Variants in CLVS2 observed in about 807,000 individuals in gnomAD.
CLVS2 encodes the protein clavesin-2.
In CLVS2, 19 loss-of-function variants were observed where a neutral mutation model predicts 29.0. The observed-to-expected ratio is 0.66, with a 90% CI of 0.46 to 0.96. The LOEUF is 0.96. CLVS2 is among the 40% of genes least tolerant of loss of function. The pLI is 0.00. For synonymous variants in CLVS2, 161 were observed against 151.3 expected (o/e 1.06, Z -0.47); for missense variants, 294 against 404.1 (o/e 0.73, Z 2.34).
intron 3 of CLVS2, among the ~76,000 whole-genome samples, chr6:123,015,533 T>C (rs1774819429): frequency 1.3e-5 from 2 of 152,076 alleles, no homozygotes; most frequent in African/African-American, 4.8e-5. Context: ...GCCAATGTCT[T>C]TCATGAATCT....
chr6:122,998,235 G>T, intron 2 of CLVS2, 69 bp downstream of exon 2: 1 of 1,488,404 alleles, frequency 6.7e-7, no homozygotes, highest in Middle Eastern at 1.8e-4. Flanking sequence ...CCCGAGTAGT[G>T]TCATGGTTTT....
intron 3 of CLVS2, among the ~76,000 whole-genome samples, chr6:123,034,532 A>G (rs184756202): frequency 4.7e-4 from 71 of 152,298 alleles, no homozygotes; most frequent in African/African-American, 1.7e-3. Flanking sequence ...ACAGAGCCAG[A>G]GGAGAGATTA....
At chr6:123,007,360 A>C (rs541489195) in intron 2 of CLVS2, among the ~76,000 whole-genome samples, 1 of 152,324 alleles carries the variant, frequency 6.6e-6, no homozygotes, top group East Asian at 1.9e-4. Flanking sequence ...TATGAGACTA[A>C]GCTGCGATTA....
In CLVS2 at chr6:123,071,463, A is replaced by G. The variant is rs561114605; in HGVS notation, c.*7702A>G. 1 of 152,078 alleles carries G rather than the reference A, an allele frequency of 6.6e-6. No individual in the cohort carries two copies. Among genetic ancestry groups the G allele is most frequent in the African/African-American group, 2.4e-5 (1 of 41,542 alleles). The allele number at this position is 152,078 out of a possible 1,614,324, so 9.4% of individuals were successfully genotyped here. A position where few individuals can be genotyped will look rare whatever the true frequency, so the allele number is the denominator to read the frequency against. ...ATCACTGGACCCTATATCTATCCACATGGCTTACTCTTGGAGAGACTACAA... is the reference window on the plus strand; with the variant it reads ...ATCACTGGACCCTATATCTATCCACGTGGCTTACTCTTGGAGAGACTACAA... On this transcript the variant is annotated 3_prime_UTR_variant, in exon 6 of 6. Transcript: ENST00000275162.
intron 4 of CLVS2, among the ~76,000 whole-genome samples, chr6:123,050,120 G>A (rs1772582624): frequency 6.6e-6 from 1 of 152,244 alleles, no homozygotes; most frequent in Non-Finnish European, 1.5e-5. Context: ...TAGTTTAGGA[G>A]GAAGAATTCT....
At chr6:123,020,174 A>G (rs927088000) in intron 3 of CLVS2, among the ~76,000 whole-genome samples, 1 of 152,058 alleles carries the variant, frequency 6.6e-6, no homozygotes, top group African/African-American at 2.4e-5. Context: ...ATAGCTACAT[A>G]GGTTGAATAT....
At position 123,066,232 on chromosome 6, in the gene CLVS2, C is replaced by T. The variant is rs1189333583; in HGVS notation, c.*2471C>T. The T allele has an allele frequency of 6.6e-6, 1 of 151,664 alleles. No homozygotes were observed. Among genetic ancestry groups the T allele is most frequent in the African/African-American group, 2.4e-5 (1 of 41,400 alleles). 9.4% of individuals were successfully genotyped at this position (151,664 alleles called of 1,614,324 possible). A position where few individuals can be genotyped will look rare whatever the true frequency, so the allele number is the denominator to read the frequency against. ...AGCACTGTTTAGGAATTTTTCCCTT[C>T]ATGATATTCTGTGTCACATCCTATG... On this transcript the variant is annotated 3_prime_UTR_variant, in exon 6 of 6. Transcript: ENST00000275162.
chr6:123,019,398 A>G (rs1774890337), intron 3 of CLVS2, among the ~76,000 whole-genome samples: 4 of 152,194 alleles, frequency 2.6e-5, no homozygotes, highest in Non-Finnish European at 2.9e-5. Context: ...TTTAATTCCT[A>G]CATTCAAGTA....
chr6:123,017,296 C>T (rs975658000), intron 3 of CLVS2, among the ~76,000 whole-genome samples: 4 of 151,982 alleles, frequency 2.6e-5, no homozygotes, highest in Admixed American at 6.6e-5. Flanking sequence ...CTCTTGTTTA[C>T]GAGCTACATT....
Position 123,048,737 on chromosome 6 carries a change from T to C in CLVS2, c.675+5T>C. ...AAGGAGAAAACTCGGAAAAGGGTATTCTTTTCTTTGATTTTTAATCCTTTC... is the reference window on the plus strand; with the variant it reads ...AAGGAGAAAACTCGGAAAAGGGTATCCTTTTCTTTGATTTTTAATCCTTTC... On this transcript the variant is annotated splice_donor_5th_base_variant and intron_variant, in intron 4 of 5. Transcript: ENST00000275162. The C allele has an allele frequency of 6.3e-7, 1 of 1,575,138 alleles. No individual in the cohort carries two copies. Among genetic ancestry groups the C allele is most frequent in the South Asian group, 1.1e-5 (1 of 90,188 alleles).
At chr6:123,046,751 C>A (rs1326676747) in intron 3 of CLVS2, among the ~76,000 whole-genome samples, 1 of 151,932 alleles carries the variant, frequency 6.6e-6, no homozygotes, top group African/African-American at 2.4e-5. Context: ...GAGATTGCTT[C>A]AGGTAGTGCA....
intron 3 of CLVS2, among the ~76,000 whole-genome samples, chr6:123,017,597 G>C (rs1360722441): frequency 6.6e-6 from 1 of 152,068 alleles, no homozygotes; most frequent in African/African-American, 2.4e-5. Context: ...AAACCCTAAA[G>C]TTGCTTTATT....
rs1421833198 is a variant in CLVS2, at chr6:123,071,299, C to T, written c.*7538C>T. On this transcript the variant is annotated 3_prime_UTR_variant, in exon 6 of 6. Coordinates refer to ENST00000275162, the MANE Select transcript of CLVS2 (RefSeq NM_001010852.4). ...TTTAAAAAATTTTGTTATTTATCTT[C>T]AAAGGGGAAATTTTACCCTCTCATG... is the stretch of plus-strand genomic sequence containing the variant. 1.3e-5 allele frequency: 2 copies of T among 151,894 alleles called. No homozygotes were observed. The highest frequency in any genetic ancestry group is 4.8e-5 in the African/African-American group (2 of 41,412). The allele number at this position is 151,894 out of a possible 1,614,324, so 9.4% of individuals were successfully genotyped here.
chr6:123,053,846 A>T (rs1772650380), intron 4 of CLVS2, among the ~76,000 whole-genome samples: 1 of 152,128 alleles, frequency 6.6e-6, no homozygotes. Context: ...TAAGAAATAC[A>T]ACCGAGTAGG....
In CLVS2 at chr6:123,067,893, A is replaced by G. The variant is rs1772887384; in HGVS notation, c.*4132A>G. 1 of 151,738 alleles carries G rather than the reference A, an allele frequency of 6.6e-6. No individual in the cohort carries two copies. The allele number at this position is 151,738 out of a possible 1,614,324, so 9.4% of individuals were successfully genotyped here. A position where few individuals can be genotyped will look rare whatever the true frequency, so the allele number is the denominator to read the frequency against. On this transcript the variant is annotated 3_prime_UTR_variant, in exon 6 of 6. Coordinates refer to ENST00000275162, the MANE Select transcript of CLVS2 (RefSeq NM_001010852.4). The stretch of plus-strand genomic sequence containing the variant: ...GTTTTAGTTGAAAAAATAGCTTCCC[A>G]TATGCTACTGGAACTATTTGACATT...
At position 123,072,586 on chromosome 6, in the gene CLVS2, A is replaced by T. The variant is rs903898867; in HGVS notation, c.*8825A>T. ...TCCCTCTGTGATATCCTTTTTTGCC[A>T]ACCTATATGAATGTGTTTAGCGTCA... On this transcript the variant is annotated 3_prime_UTR_variant, in exon 6 of 6. Transcript: ENST00000275162. The T allele has an allele frequency of 2.0e-5, 3 of 152,044 alleles. No individual in the cohort carries two copies. The highest frequency in any genetic ancestry group is 7.2e-5 in the African/African-American group (3 of 41,432). The allele number at this position is 152,044 out of a possible 1,614,324, so 9.4% of individuals were successfully genotyped here. A position where few individuals can be genotyped will look rare whatever the true frequency, so the allele number is the denominator to read the frequency against.
intron 3 of CLVS2, among the ~76,000 whole-genome samples, chr6:123,014,450 A>G (rs1326065394): frequency 6.6e-6 from 1 of 152,080 alleles, no homozygotes; most frequent in East Asian, 1.9e-4. Flanking sequence ...TATAAGATCA[A>G]TTAAGGGACA....
In CLVS2 at chr6:123,065,542, G is replaced by A. The variant is rs1772841174; in HGVS notation, c.*1781G>A. 6.6e-6 allele frequency: 1 copy of A among 151,840 alleles called. No homozygotes were observed. The highest frequency in any genetic ancestry group is 6.6e-5 in the Admixed American group (1 of 15,228). 9.4% of individuals were successfully genotyped at this position (151,840 alleles called of 1,614,324 possible). On this transcript the variant is annotated 3_prime_UTR_variant, in exon 6 of 6. Transcript: ENST00000275162. ...CTCCAGTCAAGTGCAGAAGAATAATGACTGTCAGGCACTCTGCTCTCCTTG... is the reference window on the plus strand; with the variant it reads ...CTCCAGTCAAGTGCAGAAGAATAATAACTGTCAGGCACTCTGCTCTCCTTG...
chr6:123,033,791 G>A (rs1775114057), intron 3 of CLVS2, among the ~76,000 whole-genome samples: 1 of 152,032 alleles, frequency 6.6e-6, no homozygotes, highest in African/African-American at 2.4e-5. Context: ...CACCGATGGG[G>A]AGAAAATATT....
Sources: gnomAD v4.1 joint callset for allele counts (sites outside exome capture counted in the v4.1 genomes callset) on GRCh38, gnomAD v4.1.1 for gene constraint, MANE v1.5 for transcripts, NCBI Gene and HGNC (gene_info 2026-07-23, HGNC 2026-07-21) for gene names.